Variants in HEPH observed in about 807,000 individuals in gnomAD.
The protein encoded by HEPH is hephaestin.
A neutral mutation model predicts 80.8 loss-of-function variants in HEPH; 69 were observed. That is an observed-to-expected ratio of 0.85 (90% CI 0.70 to 1.04). The LOEUF (loss-of-function observed/expected upper bound fraction) is 1.04, where lower values mean the gene tolerates loss of function less well. Among genes scored for constraint, HEPH ranks in the 50% least tolerant of loss-of-function variants. The pLI, the probability that HEPH is intolerant of heterozygous loss-of-function variation, is 0.00. For synonymous variants in HEPH, 431 were observed against 322.8 expected (o/e 1.34, Z -3.60); for missense variants, 1,115 against 891.3 (o/e 1.25, Z -3.20).
At position 66,189,612 on chromosome X, in the gene HEPH, C is replaced by T. The variant is rs1413995077; in HGVS notation, c.809-72C>T. The T allele has an allele frequency of 5.5e-6, 6 of 1,082,696 alleles. No individual in the cohort carries two copies. In the African/African-American group the frequency reaches 9.2e-5, roughly 17 times the overall value. 89.2% of individuals were successfully genotyped at this position (1,082,696 alleles called of 1,213,427 possible). A position where few individuals can be genotyped will look rare whatever the true frequency, so the allele number is the denominator to read the frequency against. ...TCATTTAAATATTATCTATTATTGT[C>T]AAATGGTAAGGCTTCTTCCATTTGG... On this transcript the variant is annotated intron_variant, in intron 5 of 20. Coordinates refer to ENST00000343002, the MANE Select transcript of HEPH (RefSeq NM_001367233.3).
intron 16 of HEPH, 48 bp from the exon 17 acceptor site, chrX:66,256,057 G>A: frequency 1.9e-6 from 2 of 1,061,026 alleles, no homozygotes; most frequent in Non-Finnish European, 2.6e-6. Flanking sequence ...CTGCTACCCA[G>A]AAACAACTCC....
rs763697529 is a variant in HEPH at position 66,197,944 on chromosome X, C to G, written c.1713+50C>G. The G allele has an allele frequency of 2.8e-6, 3 of 1,057,230 alleles. No homozygotes were observed. In the African/African-American group the frequency reaches 5.6e-5, roughly 20 times the overall value. The allele number at this position is 1,057,230 out of a possible 1,213,427, so 87.1% of individuals were successfully genotyped here. A position where few individuals can be genotyped will look rare whatever the true frequency, so the allele number is the denominator to read the frequency against. On this transcript the variant is annotated intron_variant, in intron 10 of 20. Coordinates refer to ENST00000343002, the MANE Select transcript of HEPH (RefSeq NM_001367233.3). ...AAAGCCTGCTGGGAGAAGGATGAAG[C>G]TGGGTTGCTGGATAGGAGTTAAGCA... is the stretch of plus-strand genomic sequence containing the variant.
At chrX:66,207,884 G>A (rs2088879416) in intron 14 of HEPH, among the ~76,000 whole-genome samples, 1 of 110,831 alleles carries the variant, frequency 9.0e-6, no homozygotes, top group African/African-American at 3.3e-5. Flanking sequence ...GGAGGTAATT[G>A]GAAGTATAAT....
At chrX:66,195,297 A>T (rs2088024516) in intron 9 of HEPH, 68 bp downstream of exon 9, 1 of 901,603 alleles carries the variant, frequency 1.1e-6, no homozygotes, top group Non-Finnish European at 1.4e-6. Context: ...AAAACAAATA[A>T]ATGGGAGATG....
intron 12 of HEPH, among the ~76,000 whole-genome samples, chrX:66,202,787 G>A (rs1369746555): frequency 9.2e-6 from 1 of 108,661 alleles, no homozygotes; most frequent in African/African-American, 3.4e-5. Flanking sequence ...TCTATACTAA[G>A]CACTGTTCAC....
chrX:66,174,767 G>A lies in HEPH; in HGVS notation c.625+966G>A, dbSNP rs1351763744. Among the ~76,000 whole-genome samples, 2 of 111,848 alleles carry A rather than the reference G, an allele frequency of 1.8e-5. 1 individual carries two copies. Among genetic ancestry groups the A allele is most frequent in the African/African-American group, 6.5e-5 (2 of 30,760 alleles). Reference sequence around the variant, plus strand: ...TTGACTTGCATTTCCCTAATCATTAGTGATGTTGAGGATTTTTTCATATGT... The same window carrying A: ...TTGACTTGCATTTCCCTAATCATTAATGATGTTGAGGATTTTTTCATATGT... On this transcript the variant is annotated intron_variant, in intron 4 of 20. Transcript: ENST00000343002.
At chrX:66,224,755 A>G (rs1370517512) in intron 15 of HEPH, among the ~76,000 whole-genome samples, 1 of 111,724 alleles carries the variant, frequency 9.0e-6, no homozygotes, top group African/African-American at 3.3e-5. Context: ...ATTACCAATT[A>G]TAGGTTTTTA....
At chrX:66,167,348 ATCATAAGTCACCACTGTTGAATGCTTGT>A (rs2086415595) in intron 1 of HEPH, among the ~76,000 whole-genome samples, 1 of 112,363 alleles carries the variant, frequency 8.9e-6, no homozygotes, top group East Asian at 2.8e-4. Flanking sequence ...AGCCATTTGG[ATCATAAGTCACCACTGTTGAATGCTTGT>A]TCACTGTATG....
At chrX:66,266,396 T>G in intron 20 of HEPH, 44 bp from the exon 21 acceptor site, 1 of 1,017,399 alleles carries the variant, frequency 9.8e-7, no homozygotes, top group Non-Finnish European at 1.4e-6. Context: ...CCTTTTAGAG[T>G]ACTCCCCATC....
intron 11 of HEPH, among the ~76,000 whole-genome samples, chrX:66,200,007 G>A (rs1410184210): frequency 9.2e-6 from 1 of 109,027 alleles, no homozygotes; most frequent in African/African-American, 3.4e-5. Flanking sequence ...GGCTATTTTA[G>A]TTCAGGCCAG....
In HEPH at chrX:66,187,568, A is replaced by T. The variant is rs759477277; in HGVS notation, c.626-791A>T. Among the ~76,000 whole-genome samples the T allele has an allele frequency of 3.1e-4, 34 of 111,390 alleles. 1 individual carries two copies. The highest frequency in any genetic ancestry group is 9.2e-4 in the African/African-American group (28 of 30,578). Reference sequence around the variant, plus strand: ...CTACCTGGCTCTGGGCTGATACTGGAGGTTGTCTGCACAGAGTCCTGTGAT... The same window carrying T: ...CTACCTGGCTCTGGGCTGATACTGGTGGTTGTCTGCACAGAGTCCTGTGAT... On this transcript the variant is annotated intron_variant, in intron 4 of 20. Coordinates refer to ENST00000343002, the MANE Select transcript of HEPH (RefSeq NM_001367233.3).
chrX:66,173,400 A>G (rs187711276), intron 3 of HEPH, among the ~76,000 whole-genome samples, 189 bp from the exon 4 acceptor site: 1 of 111,901 alleles, frequency 8.9e-6, no homozygotes, highest in African/African-American at 3.2e-5. Flanking sequence ...TGAGGACTGG[A>G]TTTTTTAGGT....
At chrX:66,230,560 T>A (rs708965) in intron 15 of HEPH, among the ~76,000 whole-genome samples, 27,282 of 101,714 alleles carry the variant, frequency 0.27, 3,839 homozygotes, top group African/African-American at 0.52. Context: ...GTTTTTTGGC[T>A]GCATAAATGT....
intron 15 of HEPH, among the ~76,000 whole-genome samples, chrX:66,254,567 C>T (rs1411705169): frequency 2.7e-5 from 3 of 110,223 alleles, no homozygotes; most frequent in Non-Finnish European, 5.7e-5. Flanking sequence ...CTGGCTGGAA[C>T]TAAGTATTTA....
intron 15 of HEPH, among the ~76,000 whole-genome samples, chrX:66,231,789 C>T (rs1198952077): frequency 6.5e-4 from 69 of 106,091 alleles, no homozygotes; most frequent in African/African-American, 2.2e-3. Context: ...TGCCTAATTG[C>T]CCTGGCCAGA....
intron 15 of HEPH, among the ~76,000 whole-genome samples, chrX:66,239,632 G>A (rs1021245477): frequency 6.3e-5 from 7 of 111,859 alleles, no homozygotes; most frequent in Admixed American, 5.7e-4. Context: ...AGAGAAAAAT[G>A]TGAAACCAAG....
chrX:66,255,043 G>T lies in HEPH; in HGVS notation c.2572G>T (p.Val858Phe). 1 of 1,195,380 alleles carries T rather than the reference G, an allele frequency of 8.4e-7. No homozygotes were observed. The highest frequency in any genetic ancestry group is 1.1e-6 in the Non-Finnish European group (1 of 884,082). Reference protein sequence around the residue: ...WPLAAEPGEVVTYQWNIPERS... With the variant: ...WPLAAEPGEVFTYQWNIPERS... The stretch of plus-strand genomic sequence containing the variant: ...CCTTGTTACACTTCTAGGTGAGGTG[G>T]TCACTTATCAGTGGAACATCCCAGA... The change falls in exon 16 of 21, where the codon GTC becomes TTC. Residue 858 changes from valine (V) to phenylalanine (F), a missense_variant. Coordinates refer to ENST00000343002, the MANE Select transcript of HEPH (RefSeq NM_001367233.3).
At chrX:66,192,081 T>G (rs1313428418) in intron 6 of HEPH, 49 bp from the exon 7 acceptor site, 1 of 1,144,281 alleles carries the variant, frequency 8.7e-7, no homozygotes, top group Admixed American at 2.3e-5. Context: ...TCCTCTGGGT[T>G]AAAATCCTAT....
At chrX:66,229,864 C>T (rs1484405129) in intron 15 of HEPH, among the ~76,000 whole-genome samples, 21 of 108,440 alleles carry the variant, frequency 1.9e-4, no homozygotes, top group Admixed American at 1.4e-3. Flanking sequence ...CATGCTGGTG[C>T]GCTGCACCCA....
Sources: gnomAD v4.1 joint callset for allele counts (sites outside exome capture counted in the v4.1 genomes callset) on GRCh38, gnomAD v4.1.1 for gene constraint, MANE v1.5 for transcripts, NCBI Gene and HGNC (gene_info 2026-07-23, HGNC 2026-07-21) for gene names.